The following CACNG4 variants were observed in gnomAD, a reference collection of about 807,000 sequenced individuals.
CACNG4 encodes voltage-dependent calcium channel gamma-4 subunit.
Under a neutral mutation model 22.9 loss-of-function variants are expected in CACNG4, and 8 were observed. The ratio of observed to expected loss-of-function variants is 0.35; its 90% CI spans 0.21 to 0.63. The LOEUF is 0.63. CACNG4 is among the 30% of genes least tolerant of loss of function. The probability of loss-of-function intolerance (pLI) is 0.72; values close to 1 mark genes in which losing one functional copy is unlikely to be tolerated. For missense variants in CACNG4, 357 were observed against 455.4 expected, an observed-to-expected ratio of 0.78 and a Z score of 1.97; for synonymous variants, 188 against 191.9, an observed-to-expected ratio of 0.98 and a Z score of 0.17.
intron 1 of CACNG4, among the ~76,000 whole-genome samples, chr17:66,985,722 T>C (rs2035301577): frequency 6.6e-6 from 1 of 152,152 alleles, no homozygotes; most frequent in Non-Finnish European, 1.5e-5. Context: ...CCTGTCCTGT[T>C]CCTCAAAGAA....
At chr17:67,004,023 A>G (rs2035423057) in intron 1 of CACNG4, among the ~76,000 whole-genome samples, 1 of 152,260 alleles carries the variant, frequency 6.6e-6, no homozygotes, top group Non-Finnish European at 1.5e-5. Flanking sequence ...TTATTGGAGC[A>G]TAACTTCCCA....
At chr17:67,014,985 G>A (rs1284693770) in intron 1 of CACNG4, among the ~76,000 whole-genome samples, 3 of 151,850 alleles carry the variant, frequency 2.0e-5, no homozygotes, top group Non-Finnish European at 4.4e-5. Context: ...ATAGCTGAAG[G>A]TGTTGACTTA....
intron 1 of CACNG4, among the ~76,000 whole-genome samples, chr17:66,980,441 A>T (rs2035264731): frequency 6.6e-6 from 1 of 152,106 alleles, no homozygotes; most frequent in Non-Finnish European, 1.5e-5. Context: ...AGATTTCTTA[A>T]TATGTGACTC....
intron 1 of CACNG4, among the ~76,000 whole-genome samples, chr17:67,017,698 A>C (rs1051813888): frequency 6.6e-6 from 1 of 152,116 alleles, no homozygotes; most frequent in South Asian, 2.1e-4. Flanking sequence ...TTGTATTTTT[A>C]GTAGGGACGG....
chr17:66,994,547 C>G (rs910217979), intron 1 of CACNG4, among the ~76,000 whole-genome samples: 1 of 152,310 alleles, frequency 6.6e-6, no homozygotes, highest in Admixed American at 6.5e-5. Context: ...CCCTGGCCCC[C>G]CAGGGGCCCA....
chr17:67,031,437 G>C lies in CACNG4; in HGVS notation c.*433G>C, dbSNP rs563444486. ...AGAAGGCTCTGCCGGACGCCAAGAA[G>C]ACGGTCTCTGGGCTCTTGTCAGCTG... On this transcript the variant is annotated 3_prime_UTR_variant, in exon 4 of 4. Coordinates refer to ENST00000262138, the MANE Select transcript of CACNG4 (RefSeq NM_014405.4). The surrounding 1 kb of genome is among the most constrained non-coding windows in gnomAD (Gnocchi z 4.0). 5.6e-5 allele frequency: 26 copies of C among 460,810 alleles called. No individual in the cohort carries two copies. The highest frequency in any genetic ancestry group is 4.6e-4 in the African/African-American group (23 of 50,430). The allele number at this position is 460,810 out of a possible 1,614,324, so 28.5% of individuals were successfully genotyped here.
chr17:66,972,728 C>T (rs1024206229), intron 1 of CACNG4, among the ~76,000 whole-genome samples: 2 of 151,878 alleles, frequency 1.3e-5, no homozygotes, highest in African/African-American at 2.4e-5. Context: ...GAGTTCAAGA[C>T]CAGCCTGGCC....
intron 1 of CACNG4, among the ~76,000 whole-genome samples, chr17:66,983,043 T>C (rs2143294138): frequency 6.6e-6 from 1 of 152,306 alleles, no homozygotes; most frequent in East Asian, 1.9e-4. Context: ...AGCCAACAAG[T>C]GGTGAAGTCA....
At chr17:66,986,916 A>C (rs960853622) in intron 1 of CACNG4, among the ~76,000 whole-genome samples, 6 of 152,206 alleles carry the variant, frequency 3.9e-5, no homozygotes, top group Admixed American at 3.3e-4. Flanking sequence ...AAATGAGGCC[A>C]CATTCTGAGA....
intron 1 of CACNG4, among the ~76,000 whole-genome samples, chr17:67,017,221 T>G (rs1230999662): frequency 4.7e-5 from 7 of 150,506 alleles, no homozygotes; most frequent in African/African-American, 1.7e-4. Flanking sequence ...GGATTACAAG[T>G]GCACCCCACC....
At chr17:67,020,658 T>G (rs1340146705) in intron 2 of CACNG4, among the ~76,000 whole-genome samples, 1 of 152,160 alleles carries the variant, frequency 6.6e-6, no homozygotes, top group Non-Finnish European at 1.5e-5. Context: ...CATCCTTTTA[T>G]CTCCAGAGTG....
chr17:66,996,629 C>A (rs964399608), intron 1 of CACNG4, among the ~76,000 whole-genome samples: 2 of 152,132 alleles, frequency 1.3e-5, no homozygotes, highest in Admixed American at 6.6e-5. Flanking sequence ...GATCTGCCTG[C>A]CTCGGCCTCC....
chr17:67,014,957 AAAG>A (rs1472553981), intron 1 of CACNG4, among the ~76,000 whole-genome samples: 19 of 143,918 alleles, frequency 1.3e-4, no homozygotes, highest in African/African-American at 5.0e-4. Flanking sequence ...AAAAAAAAAA[AAAG>A]AAAGAAAGAA....
chr17:66,993,209 C>T (rs772107694), intron 1 of CACNG4, among the ~76,000 whole-genome samples: 5 of 152,224 alleles, frequency 3.3e-5, no homozygotes, highest in Non-Finnish European at 7.3e-5. Flanking sequence ...GGCACCATTT[C>T]GGGGCTTGGC....
At position 67,030,973 on chromosome 17, in the gene CACNG4, G is replaced by A; in HGVS notation, c.953G>A (p.Ser318Asn). ...GACCTGAAGGAAGGTTTCCACGTCA[G>A]CATGCTGAACCGACGGACGACCCCT... The part of the protein sequence containing the change: ...QQDLKEGFHV[S>N]MLNRRTTPV Residue 318 changes from serine (S) to asparagine (N), a missense_variant, in exon 4 of 4, where the codon AGC becomes AAC. Ser to Asn is a conservative substitution (Grantham distance 46, BLOSUM62 1). This residue lies in a region of CACNG4 where 240 missense variants were observed against 277.6 expected (regional missense o/e 0.86). Transcript: ENST00000262138. The surrounding 1 kb of genome is among the most constrained non-coding windows in gnomAD (Gnocchi z 6.4). The A allele has an allele frequency of 6.2e-7, 1 of 1,613,664 alleles. No individual in the cohort carries two copies. Among genetic ancestry groups the A allele is most frequent in the Non-Finnish European group, 8.5e-7 (1 of 1,179,748 alleles).
chr17:66,980,620 CTT>C (rs67051865), intron 1 of CACNG4, among the ~76,000 whole-genome samples: 125 of 106,970 alleles, frequency 1.2e-3, no homozygotes, highest in East Asian at 4.5e-3. Context: ...TGTGTAAATT[CTT>C]TTTTTTTTTT....
At chr17:66,986,285 C>T (rs2035305362) in intron 1 of CACNG4, among the ~76,000 whole-genome samples, 3 of 152,204 alleles carry the variant, frequency 2.0e-5, no homozygotes, top group Admixed American at 2.0e-4. Context: ...AGGGTCTCAC[C>T]AAGGGGACAT....
intron 2 of CACNG4, among the ~76,000 whole-genome samples, chr17:67,018,777 G>T (rs1159132805): frequency 1.3e-5 from 2 of 152,110 alleles, no homozygotes; most frequent in African/African-American, 4.8e-5. Context: ...GGAGACCCAG[G>T]GGAGAAGGCG....
chr17:67,016,005 G>C (rs1011043053), intron 1 of CACNG4, among the ~76,000 whole-genome samples: 3 of 152,052 alleles, frequency 2.0e-5, no homozygotes, highest in African/African-American at 7.2e-5. Context: ...AGGCCAGCCT[G>C]TCTTGGAGTT....
Sources: allele counts gnomAD v4.1 joint callset (sites outside exome capture counted in the v4.1 genomes callset), GRCh38; gene constraint gnomAD v4.1.1; regional missense constraint gnomAD v4.1.1; non-coding constraint Gnocchi (gnomAD v3.1); transcripts MANE v1.5; gene names NCBI Gene and HGNC (gene_info 2026-07-23, HGNC 2026-07-21).